Variants in CIRBP observed in about 807,000 individuals in gnomAD.
CIRBP encodes the protein cold-inducible RNA-binding protein.
Under a neutral mutation model 22.3 loss-of-function variants are expected in CIRBP, and 11 were observed. That is an observed-to-expected ratio of 0.49 (90% CI 0.31 to 0.82). The LOEUF (loss-of-function observed/expected upper bound fraction) is 0.82, where lower values mean the gene tolerates loss of function less well. Among genes scored for constraint, CIRBP ranks in the 40% least tolerant of loss-of-function variants. CIRBP has a pLI of 0.05. For missense variants in CIRBP, 456 were observed against 402.7 expected, an observed-to-expected ratio of 1.13 and a Z score of -1.13; for synonymous variants, 216 against 158.8, an observed-to-expected ratio of 1.36 and a Z score of -2.71.
rs1220292326 is a variant in CIRBP at position 1,271,598 on chromosome 19, G to C, written c.397G>C (p.Gly133Arg). 1 of 1,564,846 alleles carries C rather than the reference G, an allele frequency of 6.4e-7. No individual in the cohort carries two copies. The highest frequency in any genetic ancestry group is 2.0e-5 in the Admixed American group (1 of 50,110). Residue 133 changes from glycine (G) to arginine (R), a missense_variant, in exon 5 of 6, where the codon GGG becomes CGG. Physicochemically the swap from Gly to Arg is moderately radical, Grantham distance 125. Coordinates refer to ENST00000587896, the MANE Select transcript of CIRBP (RefSeq NM_001300829.2). ...GGGGAACCGGTTCGAGTCCAGGAGTGGGGGCTACGGAGGCTCCAGAGACTA... is the reference window on the plus strand; with the variant it reads ...GGGGAACCGGTTCGAGTCCAGGAGTCGGGGCTACGGAGGCTCCAGAGACTA... ...YGGNRFESRS[G>R]GYGGSRDYYS...
intron 1 of CIRBP, 76 bp from the exon 2 acceptor site, chr19:1,270,852 A>AT: frequency 1.1e-6 from 1 of 924,612 alleles, no homozygotes; most frequent in Non-Finnish European, 1.8e-6. Flanking sequence ...AACACATGTC[A>AT]TTTACATAAA....
intron 5 of CIRBP, 67 bp from the exon 6 acceptor site, chr19:1,271,914 C>A: frequency 7.0e-7 from 1 of 1,426,582 alleles, no homozygotes; most frequent in Non-Finnish European, 9.7e-7. Context: ...GCTGGCGGCT[C>A]AGCCTGTTGT....
Position 1,272,044 on chromosome 19 carries a change from C to T in CIRBP, c.495C>T (p.Asp165=), listed in dbSNP as rs1473614328. ...SSGGSYRDSY[D]SYGKSHSEGA... is the part of the protein sequence containing the mutation. ...GCGGGTCCTACAGAGACAGTTATGACAGTTACGGTAAGTCACACTCCGAGG... is the reference window on the plus strand; with the variant it reads ...GCGGGTCCTACAGAGACAGTTATGATAGTTACGGTAAGTCACACTCCGAGG... Residue 165 remains aspartate (D), a synonymous_variant, in exon 6 of 6, where the codon GAC becomes GAT. Coordinates refer to ENST00000587896, the MANE Select transcript of CIRBP (RefSeq NM_001300829.2). The T allele has an allele frequency of 3.1e-6, 5 of 1,613,442 alleles. No individual in the cohort carries two copies. The highest frequency in any genetic ancestry group is 1.3e-5 in the African/African-American group (1 of 75,032).
In CIRBP at chr19:1,271,397, C is replaced by T; in HGVS notation, c.279C>T (p.Tyr93=). The change falls in exon 4 of 6, where the codon TAC becomes TAT. Residue 93 remains tyrosine, a synonymous_variant. Coordinates refer to ENST00000587896, the MANE Select transcript of CIRBP (RefSeq NM_001300829.2). The part of the protein sequence containing the change: ...GKSSDNRSRG[Y]RGGSAGGRGF... Reference sequence around the variant, plus strand: ...CGTCAGACAACCGATCCCGTGGGTACCGTGGTGGCTCTGCCGGGGGCCGGG... The same window carrying T: ...CGTCAGACAACCGATCCCGTGGGTATCGTGGTGGCTCTGCCGGGGGCCGGG... The T allele has an allele frequency of 1.2e-6, 2 of 1,613,796 alleles. No homozygotes were observed. Among genetic ancestry groups the T allele is most frequent in the Non-Finnish European group, 1.7e-6 (2 of 1,179,962 alleles).
At chr19:1,270,893 A>G in intron 1 of CIRBP, 35 bp from the exon 2 acceptor site, 1 of 1,344,814 alleles carries the variant, frequency 7.4e-7, no homozygotes, top group East Asian at 2.3e-5. Context: ...GTGAGAGATG[A>G]CCCCTGTTGA....
rs189885603 is a variant in CIRBP, at chr19:1,271,270, G to T, written c.210+24G>T. ...AGGTGAGGATCAGGGTGCTGAGCAGGAGTCCCGTCTCGAGGATGGGGCACC... is the reference window on the plus strand; with the variant it reads ...AGGTGAGGATCAGGGTGCTGAGCAGTAGTCCCGTCTCGAGGATGGGGCACC... On this transcript the variant is annotated intron_variant, in intron 3 of 5. Coordinates refer to ENST00000587896, the MANE Select transcript of CIRBP (RefSeq NM_001300829.2). 492 of 1,614,026 alleles carry T rather than the reference G, an allele frequency of 3.0e-4. 5 individuals carry two copies. In the East Asian group the frequency reaches 9.5e-3, roughly 31 times the overall value.
In CIRBP at chr19:1,271,959, TCAA is replaced by T. The variant is rs1389204861; in HGVS notation, c.432-20_432-18del. The T allele has an allele frequency of 6.9e-6, 11 of 1,592,700 alleles. No homozygotes were observed. Among genetic ancestry groups the T allele is most frequent in the South Asian group, 1.1e-5 (1 of 89,358 alleles). ...GAAGTAGACGGGTACCTTCCGGTAC[TCAA>T]CGTTTGTCTGTCTTGCAGCCGGAGT... On this transcript the variant is annotated intron_variant, in intron 5 of 5. Coordinates refer to ENST00000587896, the MANE Select transcript of CIRBP (RefSeq NM_001300829.2).
Position 1,270,924 on chromosome 19 carries a change from A to C in CIRBP, c.-6-4A>C. ...GTTGAGGATTTCATTGGTGTCTGCCACAGGCCGCCATGGCATCAGATGAAG... is the reference window on the plus strand; with the variant it reads ...GTTGAGGATTTCATTGGTGTCTGCCCCAGGCCGCCATGGCATCAGATGAAG... On this transcript the variant is annotated splice_polypyrimidine_tract_variant and splice_region_variant and intron_variant, in intron 1 of 5. Transcript: ENST00000587896. 1 of 1,610,412 alleles carries C rather than the reference A, an allele frequency of 6.2e-7. No homozygotes were observed. The highest frequency in any genetic ancestry group is 8.5e-7 in the Non-Finnish European group (1 of 1,176,704).
rs1568833322 is a variant in CIRBP, at chr19:1,272,223, CA to C, written c.677del (p.Asn226MetfsTer49). On this transcript the variant is annotated frameshift_variant, in exon 6 of 6. Transcript: ENST00000587896. LOFTEE classifies it low-confidence loss of function (END_TRUNC). ...CATTTCTATCGCAGGACGCAAAAGC[CA>C]AATGAGACTGACCAAAAAGGCAAGG... ...QSHFYRRTQKPNETDQKGKGE... is the reference protein window; with the variant it reads ...QSHFYRRTQKXNETDQKGKGE... 1 of 1,596,800 alleles carries C rather than the reference CA, an allele frequency of 6.3e-7. No individual in the cohort carries two copies. The highest frequency in any genetic ancestry group is 2.2e-5 in the East Asian group (1 of 44,578).
In CIRBP at chr19:1,271,129, C is replaced by T. The variant is rs1335497182; in HGVS notation, c.104-11C>T. 3 of 1,613,106 alleles carry T rather than the reference C, an allele frequency of 1.9e-6. No individual in the cohort carries two copies. The highest frequency in any genetic ancestry group is 1.3e-5 in the African/African-American group (1 of 75,030). ...CTGGGTGCTGACTGCAGACCTCTCT[C>T]CCCTGCACAGTGGTGGTTGTGAAAG... On this transcript the variant is annotated splice_polypyrimidine_tract_variant and intron_variant, in intron 2 of 5. Transcript: ENST00000587896.
At chr19:1,270,777 A>G in intron 1 of CIRBP, 151 bp from the exon 2 acceptor site, 1 of 669,172 alleles carries the variant, frequency 1.5e-6, no homozygotes. Flanking sequence ...CAAAAAAATA[A>G]GTCCTAGGTA....
chr19:1,274,633 T>G lies in CIRBP; in HGVS notation c.*2190T>G. 4.5e-5 allele frequency: 11 copies of G among 244,524 alleles called. No homozygotes were observed. The highest frequency in any genetic ancestry group is 7.0e-5 in the Non-Finnish European group (9 of 128,082). 15.1% of individuals were successfully genotyped at this position (244,524 alleles called of 1,614,324 possible). On this transcript the variant is annotated 3_prime_UTR_variant, in exon 6 of 6. Coordinates refer to ENST00000587896, the MANE Select transcript of CIRBP (RefSeq NM_001300829.2). Reference sequence around the variant, plus strand: ...GGAGCCCGCGCCTGTTCTCCCTCCCTTCCTCCTCCTTCCAGGAGGCGCTTC... The same window carrying G: ...GGAGCCCGCGCCTGTTCTCCCTCCCGTCCTCCTCCTTCCAGGAGGCGCTTC...
In CIRBP at chr19:1,274,602, C is replaced by T. The variant is rs1054695; in HGVS notation, c.*2159C>T. 0.77 allele frequency: 240,179 copies of T among 310,326 alleles called. 93,834 individuals are homozygous for T. The highest frequency in any genetic ancestry group is 0.97 in the East Asian group (19,928 of 20,596). The allele number at this position is 310,326 out of a possible 1,614,324, so 19.2% of individuals were successfully genotyped here. A position where few individuals can be genotyped will look rare whatever the true frequency, so the allele number is the denominator to read the frequency against. On this transcript the variant is annotated 3_prime_UTR_variant, in exon 6 of 6. Coordinates refer to ENST00000587896, the MANE Select transcript of CIRBP (RefSeq NM_001300829.2). ...GCGCCTCCCGGGAGCGCCGGGTCCC[C>T]CGCCTGGAGCCCGCGCCTGTTCTCC... is the stretch of plus-strand genomic sequence containing the variant.
rs760275298 is a variant in CIRBP, at chr19:1,270,130, T to G, written c.-7+720T>G. On this transcript the variant is annotated intron_variant, in intron 1 of 5. Transcript: ENST00000587896. ...TGCCTGGAAATCCTGCCTTATCACTTCCGGGGCCATCCCTTCCCGATTCCC... is the reference window on the plus strand; with the variant it reads ...TGCCTGGAAATCCTGCCTTATCACTGCCGGGGCCATCCCTTCCCGATTCCC... 3 of 516,296 alleles carry G rather than the reference T, an allele frequency of 5.8e-6. No homozygotes were observed. In the East Asian group the frequency reaches 1.6e-4, roughly 28 times the overall value. The allele number at this position is 516,296 out of a possible 1,614,324, so 32.0% of individuals were successfully genotyped here. A position where few individuals can be genotyped will look rare whatever the true frequency, so the allele number is the denominator to read the frequency against.
rs2081371581 is a variant in CIRBP, at chr19:1,273,213, T to G, written c.*770T>G. 6.6e-6 allele frequency: 1 copy of G among 152,242 alleles called. No homozygotes were observed. The highest frequency in any genetic ancestry group is 1.5e-5 in the Non-Finnish European group (1 of 68,040). The allele number at this position is 152,242 out of a possible 1,614,324, so 9.4% of individuals were successfully genotyped here. On this transcript the variant is annotated 3_prime_UTR_variant, in exon 6 of 6. Transcript: ENST00000587896. ...TCCCTTGCATTGCACCACACACTCCTTGCTGCGGGCTCCTGCAGCCAGACC... is the reference window on the plus strand; with the variant it reads ...TCCCTTGCATTGCACCACACACTCCGTGCTGCGGGCTCCTGCAGCCAGACC...
chr19:1,272,123 C>T lies in CIRBP; in HGVS notation c.574C>T (p.Pro192Ser). 6 of 1,613,704 alleles carry T rather than the reference C, an allele frequency of 3.7e-6. No individual in the cohort carries two copies. Among genetic ancestry groups the T allele is most frequent in the South Asian group, 1.1e-5 (1 of 91,084 alleles). Reference sequence around the variant, plus strand: ...AGCTCGGTTCACCTTGGTGCCCTCTCCAAGCACTTTAGGCTGGACACTCAG... The same window carrying T: ...AGCTCGGTTCACCTTGGTGCCCTCTTCAAGCACTTTAGGCTGGACACTCAG... ...VGARFTLVPS[P>S]STLGWTLRPC... The change falls in exon 6 of 6, where the codon CCA (proline) becomes TCA (serine). Residue 192 changes from proline to serine, a missense_variant. Coordinates refer to ENST00000587896, the MANE Select transcript of CIRBP (RefSeq NM_001300829.2).
intron 1 of CIRBP, chr19:1,270,210 G>C (rs915353205): frequency 3.8e-5 from 16 of 417,388 alleles, no homozygotes; most frequent in Non-Finnish European, 7.3e-5. Flanking sequence ...CCCCCAGGAC[G>C]GGGCGGCCTC....
chr19:1,271,072 G>A (rs759549134), intron 2 of CIRBP, 36 bp downstream of exon 2: 6 of 1,611,444 alleles, frequency 3.7e-6, no homozygotes, highest in Admixed American at 3.3e-5. Context: ...CCTGGGCGGG[G>A]GGGCTTGTGC....
chr19:1,271,681 C>T (rs756552845), intron 5 of CIRBP, 49 bp downstream of exon 5: 12 of 1,215,020 alleles, frequency 9.9e-6, no homozygotes, highest in Admixed American at 4.8e-5. Flanking sequence ...GGATGGCCAG[C>T]TTCCGTCCCG....
Sources: allele counts gnomAD v4.1 joint callset, GRCh38; gene constraint gnomAD v4.1.1; transcripts MANE v1.5; gene names NCBI Gene and HGNC (gene_info 2026-07-23, HGNC 2026-07-21).